Variants in OR2C1 observed in about 807,000 individuals in gnomAD.
The protein encoded by OR2C1 is olfactory receptor family 2 subfamily C member 1, also known as olfactory receptor 2C1.
For synonymous variants in OR2C1, 209 were observed against 167.3 expected, an observed-to-expected ratio of 1.25 and a Z score of -1.92; for missense variants, 468 against 388.3, an observed-to-expected ratio of 1.21 and a Z score of -1.73.
At chr16:3,330,679 T>A in the OR2C1 span, among the ~76,000 whole-genome samples, 2 of 152,200 alleles carry the variant, frequency 1.3e-5, no homozygotes, top group Admixed American at 1.3e-4. Context: ...AATTAGTATA[T>A]CTGTCACATT....
chr16:3,328,491 A>G, the OR2C1 span, among the ~76,000 whole-genome samples: 8 of 152,336 alleles, frequency 5.3e-5, no homozygotes. Context: ...GAAGATATTT[A>G]TTGGTCACTT....
chr16:3,350,297 C>T, the OR2C1 span, among the ~76,000 whole-genome samples: 148 of 151,832 alleles, frequency 9.7e-4, no homozygotes, highest in African/African-American at 3.4e-3. Flanking sequence ...TCAGATGATC[C>T]ACCTGCCTCG....
At chr16:3,340,162 C>G in the OR2C1 span, among the ~76,000 whole-genome samples, 3 of 152,074 alleles carry the variant, frequency 2.0e-5, no homozygotes, top group Admixed American at 2.0e-4. Flanking sequence ...ACCTGTAATT[C>G]CAGCTACTCG....
downstream of OR2C1, chr16:3,357,417 A>G (rs1452528306): frequency 6.4e-6 from 1 of 155,082 alleles, no homozygotes; most frequent in African/African-American, 2.4e-5. Flanking sequence ...TCTGTTGCCC[A>G]GGCTGAAGTA....
chr16:3,326,781 G>C, the OR2C1 span, among the ~76,000 whole-genome samples: 1 of 152,338 alleles, frequency 6.6e-6, no homozygotes, highest in African/African-American at 2.4e-5. Flanking sequence ...GCTGGATGAC[G>C]CATGTAACCC....
At chr16:3,345,832 C>T in the OR2C1 span, among the ~76,000 whole-genome samples, 5 of 113,842 alleles carry the variant, frequency 4.4e-5, no homozygotes, top group East Asian at 1.5e-3. Context: ...TCCTTCCTTC[C>T]CTCCTTCCTT....
At chr16:3,340,355 T>C in the OR2C1 span, among the ~76,000 whole-genome samples, 1 of 152,214 alleles carries the variant, frequency 6.6e-6, no homozygotes, top group African/African-American at 2.4e-5. Flanking sequence ...TTATATATTC[T>C]AGATATTAAA....
chr16:3,335,503 A>G, the OR2C1 span, among the ~76,000 whole-genome samples: 10 of 143,860 alleles, frequency 7.0e-5, no homozygotes, highest in South Asian at 2.2e-3. Flanking sequence ...TGTTATTGGC[A>G]TATATAAATG....
upstream of OR2C1, chr16:3,355,799 T>G (rs112462454): frequency 0.011 from 7,312 of 635,922 alleles, 196 homozygotes; most frequent in African/African-American, 0.077. Flanking sequence ...AAACAAAAAA[T>G]AGGTTGTTAC....
At chr16:3,326,921 A>G in the OR2C1 span, among the ~76,000 whole-genome samples, 1 of 152,208 alleles carries the variant, frequency 6.6e-6, no homozygotes, top group Non-Finnish European at 1.5e-5. Context: ...AGGATCAAGC[A>G]TCACCTCATA....
downstream of OR2C1, among the ~76,000 whole-genome samples, chr16:3,358,027 AC>A (rs1343266690): frequency 1.3e-5 from 2 of 151,964 alleles, no homozygotes; most frequent in Non-Finnish European, 2.9e-5. Context: ...ATCTGTCCAT[AC>A]TTTCCATCCA....
At chr16:3,354,118 G>T (rs1356681391), upstream of OR2C1, among the ~76,000 whole-genome samples, 1 of 151,826 alleles carries the variant, frequency 6.6e-6, no homozygotes, top group Admixed American at 6.6e-5. Flanking sequence ...TGAGTAGCTG[G>T]GGCTGCAGGC....
chr16:3,338,293 G>T, the OR2C1 span, among the ~76,000 whole-genome samples: 1 of 152,088 alleles, frequency 6.6e-6, no homozygotes, highest in East Asian at 1.9e-4. Context: ...CTCCCTTAAG[G>T]CACTCATGAT....
At chr16:3,347,860 GCGCACACACACACGCACATGCA>G in the OR2C1 span, among the ~76,000 whole-genome samples, 2 of 4,986 alleles carry the variant, frequency 4.0e-4, no homozygotes, top group Admixed American at 2.2e-3. Context: ...ACGCACACAC[GCGCACACACACACGCACATGCA>G]CACATGCACA....
At chr16:3,350,176 C>G in the OR2C1 span, among the ~76,000 whole-genome samples, 1 of 148,578 alleles carries the variant, frequency 6.7e-6, no homozygotes, top group Non-Finnish European at 1.5e-5. Flanking sequence ...CCGCCTCAAC[C>G]TCCCAAGCAG....
At chr16:3,324,695 C>T in the OR2C1 span, among the ~76,000 whole-genome samples, 1 of 152,076 alleles carries the variant, frequency 6.6e-6, no homozygotes, top group African/African-American at 2.4e-5. Context: ...TCAAGTGATC[C>T]TCCTGCCTAA....
At chr16:3,342,857 G>A in the OR2C1 span, among the ~76,000 whole-genome samples, 554 of 152,214 alleles carry the variant, frequency 3.6e-3, 3 homozygotes, top group African/African-American at 0.012. Flanking sequence ...GGGCAACAAA[G>A]CAAGACACTG....
chr16:3,323,769 C>T, the OR2C1 span: 12 of 709,670 alleles, frequency 1.7e-5, no homozygotes, highest in South Asian at 1.6e-4. Context: ...AGGAATGATT[C>T]CAGTCCCTTA....
chr16:3,351,891 T>C (rs1380779351), upstream of OR2C1, among the ~76,000 whole-genome samples: 1 of 147,752 alleles, frequency 6.8e-6, no homozygotes, highest in Non-Finnish European at 1.5e-5. Context: ...TTTAGTCTTT[T>C]TTTTTTTTTT....
Sources: gnomAD v4.1 joint callset for allele counts (sites outside exome capture counted in the v4.1 genomes callset) on GRCh38, gnomAD v4.1.1 for gene constraint, MANE v1.5 for transcripts, NCBI Gene and HGNC (gene_info 2026-07-23, HGNC 2026-07-21) for gene names.